The following SCFD2 variants were observed in gnomAD, a reference collection of about 807,000 sequenced individuals.
The protein encoded by SCFD2 is sec1 family domain-containing protein 2.
SCFD2 carries 54 observed loss-of-function variants against 58.9 expected under a neutral mutation model. That is an observed-to-expected ratio of 0.92 (90% CI 0.74 to 1.15). The LOEUF (loss-of-function observed/expected upper bound fraction) is 1.15. Among genes scored for constraint, SCFD2 ranks in the 50% most tolerant of loss-of-function variants. The pLI, the probability that SCFD2 is intolerant of heterozygous loss-of-function variation, is 0.00. For missense variants in SCFD2, 805 were observed against 836.6 expected (o/e 0.96, Z 0.47); for synonymous variants, 321 against 335.9 (o/e 0.96, Z 0.49).
intron 4 of SCFD2, among the ~76,000 whole-genome samples, chr4:53,212,348 C>T (rs542351723): frequency 9.9e-5 from 15 of 151,972 alleles, no homozygotes; most frequent in Admixed American, 2.0e-4. Context: ...TCAGAGCACC[C>T]AAAGTGACAT....
chr4:53,257,880 A>G (rs1443326110), intron 4 of SCFD2, among the ~76,000 whole-genome samples: 9 of 152,166 alleles, frequency 5.9e-5, no homozygotes, highest in African/African-American at 2.2e-4. Context: ...TTTTAAAAAA[A>G]ACCTCATATT....
intron 7 of SCFD2, among the ~76,000 whole-genome samples, chr4:52,904,037 G>T (rs1341132244): frequency 6.6e-6 from 1 of 152,160 alleles, no homozygotes; most frequent in East Asian, 1.9e-4. Context: ...CGCTGTGAGG[G>T]CACACACTCC....
At chr4:53,039,426 A>G (rs1722839906) in intron 5 of SCFD2, among the ~76,000 whole-genome samples, 1 of 152,128 alleles carries the variant, frequency 6.6e-6, no homozygotes, top group African/African-American at 2.4e-5. Flanking sequence ...CTGCCCATAG[A>G]ATGTAGCCTG....
intron 4 of SCFD2, among the ~76,000 whole-genome samples, chr4:53,250,068 G>C (rs1331635469): frequency 6.6e-6 from 1 of 152,092 alleles, no homozygotes; most frequent in Non-Finnish European, 1.5e-5. Flanking sequence ...CTCACATGCA[G>C]AGACACACAT....
intron 5 of SCFD2, among the ~76,000 whole-genome samples, chr4:53,142,060 C>T (rs141188498): frequency 6.6e-6 from 1 of 152,244 alleles, no homozygotes; most frequent in Admixed American, 6.5e-5. Context: ...GTCAAGTTGA[C>T]AAGTAAAATT....
intron 5 of SCFD2, among the ~76,000 whole-genome samples, chr4:53,140,695 A>C (rs1013392871): frequency 6.6e-6 from 1 of 152,114 alleles, no homozygotes; most frequent in African/African-American, 2.4e-5. Context: ...CAAGAACATA[A>C]TGGGATGGTT....
At chr4:53,342,774 C>A (rs564320523) in intron 2 of SCFD2, among the ~76,000 whole-genome samples, 3 of 152,264 alleles carry the variant, frequency 2.0e-5, no homozygotes, top group East Asian at 1.9e-4. Context: ...GACCACAGTG[C>A]AATCAAACTA....
chr4:53,133,259 C>T (rs1223981032), intron 5 of SCFD2, among the ~76,000 whole-genome samples: 73 of 139,318 alleles, frequency 5.2e-4, no homozygotes, highest in African/African-American at 1.8e-3. Context: ...ACCCGGGAGG[C>T]GGAGCTTGCA....
intron 5 of SCFD2, among the ~76,000 whole-genome samples, chr4:52,938,541 A>T (rs1309111005): frequency 6.6e-6 from 1 of 152,204 alleles, no homozygotes; most frequent in Non-Finnish European, 1.5e-5. Flanking sequence ...CTGTAAATAC[A>T]TATTGATACT....
intron 4 of SCFD2, among the ~76,000 whole-genome samples, chr4:53,217,409 T>C (rs924734237): frequency 6.6e-6 from 1 of 152,332 alleles, no homozygotes; most frequent in African/African-American, 2.4e-5. Flanking sequence ...AATGGCCTTG[T>C]CTCTTTTGAT....
chr4:53,130,169 G>GA (rs928355647), intron 5 of SCFD2, among the ~76,000 whole-genome samples: 12 of 152,052 alleles, frequency 7.9e-5, no homozygotes, highest in Middle Eastern at 3.4e-3. Flanking sequence ...CTGTAATAAG[G>GA]AAAAATCCAA....
At chr4:53,235,110 C>G (rs1335997945) in intron 4 of SCFD2, among the ~76,000 whole-genome samples, 1 of 152,210 alleles carries the variant, frequency 6.6e-6, no homozygotes, top group Non-Finnish European at 1.5e-5. Flanking sequence ...ATGTGCCTGC[C>G]CTTTAAATGC....
chr4:53,267,729 T>C (rs1287522572), intron 4 of SCFD2, among the ~76,000 whole-genome samples: 1 of 152,162 alleles, frequency 6.6e-6, no homozygotes, highest in Non-Finnish European at 1.5e-5. Context: ...TACAGATGTG[T>C]ATCACCATGC....
chr4:53,225,881 T>C (rs1577863971), intron 4 of SCFD2, among the ~76,000 whole-genome samples: 1 of 152,348 alleles, frequency 6.6e-6, no homozygotes, highest in Non-Finnish European at 1.5e-5. Context: ...TGTCATGGCT[T>C]TTAGGTTTTT....
At chr4:52,875,315 C>T (rs1718444954) in intron 8 of SCFD2, among the ~76,000 whole-genome samples, 1 of 152,158 alleles carries the variant, frequency 6.6e-6, no homozygotes, top group Admixed American at 6.5e-5. Context: ...GTGGGAGAGC[C>T]TATTCCCTGG....
intron 4 of SCFD2, among the ~76,000 whole-genome samples, chr4:53,191,845 C>A (rs1037928787): frequency 2.0e-5 from 3 of 152,170 alleles, no homozygotes; most frequent in South Asian, 2.1e-4. Flanking sequence ...TGCAAAAAGT[C>A]CCACTTCTAC....
chr4:53,058,420 T>C (rs1258795492), intron 5 of SCFD2, among the ~76,000 whole-genome samples: 4 of 152,140 alleles, frequency 2.6e-5, no homozygotes, highest in Non-Finnish European at 5.9e-5. Flanking sequence ...CAAATACATA[T>C]AATGTCTCGG....
chr4:53,144,008 G>A (rs757273160), intron 5 of SCFD2, among the ~76,000 whole-genome samples: 1 of 152,014 alleles, frequency 6.6e-6, no homozygotes, highest in South Asian at 2.1e-4. Flanking sequence ...GAGTTATATT[G>A]CAGTTATTAT....
chr4:53,186,793 T>A (rs1321873282), intron 4 of SCFD2, among the ~76,000 whole-genome samples: 3 of 152,024 alleles, frequency 2.0e-5, no homozygotes, highest in Non-Finnish European at 4.4e-5. Context: ...AGCTCTGAGT[T>A]AGGCTACATG....
Sources: allele counts gnomAD v4.1 joint callset (sites outside exome capture counted in the v4.1 genomes callset), GRCh38; gene constraint gnomAD v4.1.1; transcripts MANE v1.5; gene names NCBI Gene and HGNC (gene_info 2026-07-23, HGNC 2026-07-21).